SLC71A2: variants seen among roughly 807,000 people sequenced by gnomAD.
SLC71A2 encodes solute carrier family 71 member 2, also known as hippocampus abundant transcript-like 1.
chr9:94,382,880 A>G, the SLC71A2 span, among the ~76,000 whole-genome samples: 1 of 151,832 alleles, frequency 6.6e-6, no homozygotes, highest in African/African-American at 2.4e-5. Flanking sequence ...GTTTTAGTAG[A>G]GGCGGGGTTT....
chr9:94,450,507 T>TTTTTTTTTTTTTTTTTTTCC, the SLC71A2 span, among the ~76,000 whole-genome samples: 16 of 137,214 alleles, frequency 1.2e-4, 1 homozygote, highest in African/African-American at 4.8e-4. Flanking sequence ...TTTTTTTTTT[T>TTTTTTTTTTTTTTTTTTTCC]GAGATGGAGT....
chr9:94,446,745 A>G, the SLC71A2 span: 2 of 717,102 alleles, frequency 2.8e-6, no homozygotes, highest in Non-Finnish European at 4.9e-6. Flanking sequence ...GATCAAAATA[A>G]TGAAGCTGAT....
the SLC71A2 span, among the ~76,000 whole-genome samples, chr9:94,378,682 C>T: frequency 1.3e-5 from 2 of 152,154 alleles, no homozygotes; most frequent in Non-Finnish European, 2.9e-5. Flanking sequence ...GTGAGAAGGA[C>T]ACCAAACAAT....
chr9:94,436,153 T>G, the SLC71A2 span, among the ~76,000 whole-genome samples: 29 of 152,316 alleles, frequency 1.9e-4, no homozygotes, highest in South Asian at 4.1e-4. Flanking sequence ...TTCTTATTTT[T>G]AATTGTTTTC....
chr9:94,450,493 C>CTTTTTTTTTTTTTTTTTTT, the SLC71A2 span, among the ~76,000 whole-genome samples: 101 of 102,004 alleles, frequency 9.9e-4, 7 homozygotes, highest in African/African-American at 1.3e-3. Flanking sequence ...AATAATGTAA[C>CTTTTTTTTTTTTTTTTTTT]TTTTTTTTTT....
At chr9:94,449,893 T>C in the SLC71A2 span, among the ~76,000 whole-genome samples, 1 of 152,192 alleles carries the variant, frequency 6.6e-6, no homozygotes, top group African/African-American at 2.4e-5. Flanking sequence ...TAAAAAGCAA[T>C]GAAGTACAGA....
At chr9:94,383,500 TAGTC>T in the SLC71A2 span, among the ~76,000 whole-genome samples, 15 of 152,076 alleles carry the variant, frequency 9.9e-5, no homozygotes, top group Admixed American at 6.6e-5. Flanking sequence ...GTCCATATAT[TAGTC>T]AGTCTCTGAA....
chr9:94,388,897 C>T, the SLC71A2 span, among the ~76,000 whole-genome samples: 4 of 152,222 alleles, frequency 2.6e-5, no homozygotes, highest in Non-Finnish European at 5.9e-5. Flanking sequence ...AAGTGCCTCA[C>T]AGACTTCCTG....
chr9:94,405,118 G>A, the SLC71A2 span, among the ~76,000 whole-genome samples: 8 of 152,046 alleles, frequency 5.3e-5, no homozygotes, highest in East Asian at 9.7e-4. Flanking sequence ...TCATTAAATG[G>A]CCTTGGTACC....
the SLC71A2 span, among the ~76,000 whole-genome samples, chr9:94,382,686 CTCTT>C: frequency 9.2e-5 from 14 of 151,528 alleles, no homozygotes; most frequent in Non-Finnish European, 1.9e-4. Context: ...TAGACGGAGT[CTCTT>C]TCTTTGTCGC....
the SLC71A2 span, among the ~76,000 whole-genome samples, chr9:94,413,442 T>G: frequency 6.6e-6 from 1 of 152,242 alleles, no homozygotes; most frequent in South Asian, 2.1e-4. Flanking sequence ...AAAAAGTTAA[T>G]TGCAGCAGTT....
the SLC71A2 span, among the ~76,000 whole-genome samples, chr9:94,386,514 A>AG: frequency 2.6e-5 from 4 of 151,726 alleles, no homozygotes; most frequent in Non-Finnish European, 4.4e-5. Flanking sequence ...TTTGATAGTT[A>AG]CGTCACATGC....
At chr9:94,434,614 A>G in the SLC71A2 span, among the ~76,000 whole-genome samples, 6 of 152,056 alleles carry the variant, frequency 3.9e-5, no homozygotes, top group African/African-American at 1.4e-4. Flanking sequence ...TGTGTCCAGC[A>G]AAGACCTGTC....
the SLC71A2 span, among the ~76,000 whole-genome samples, chr9:94,396,282 G>A: frequency 5.3e-5 from 8 of 151,720 alleles, no homozygotes; most frequent in South Asian, 2.1e-4. Flanking sequence ...TTGGGAGGCC[G>A]AGGCAGACGG....
chr9:94,374,920 G>C, the SLC71A2 span: 2 of 1,269,102 alleles, frequency 1.6e-6, no homozygotes, highest in Non-Finnish European at 2.0e-6. Context: ...GCCGCGGGGA[G>C]CACCTGGGTG....
the SLC71A2 span, among the ~76,000 whole-genome samples, chr9:94,415,427 C>T: frequency 6.6e-6 from 1 of 151,182 alleles, no homozygotes; most frequent in African/African-American, 2.4e-5. Flanking sequence ...ACATGTAACA[C>T]AAAACACCTC....
At chr9:94,441,152 A>T in the SLC71A2 span, 2 of 1,000,984 alleles carry the variant, frequency 2.0e-6, no homozygotes, top group Non-Finnish European at 2.9e-6. Flanking sequence ...TTAACATTGT[A>T]TTAGAAATTT....
chr9:94,430,016 C>T, the SLC71A2 span, among the ~76,000 whole-genome samples: 3 of 150,274 alleles, frequency 2.0e-5, no homozygotes, highest in African/African-American at 7.4e-5. Flanking sequence ...AAGCAATTCT[C>T]CTGCCTCAGC....
the SLC71A2 span, among the ~76,000 whole-genome samples, chr9:94,406,217 G>A: frequency 1.1e-4 from 17 of 151,102 alleles, no homozygotes; most frequent in South Asian, 2.1e-4. Context: ...ACAGGTGTGC[G>A]CCAGCACGTC....
Sources: gnomAD v4.1 joint callset for allele counts (sites outside exome capture counted in the v4.1 genomes callset) on GRCh38, gnomAD v4.1.1 for gene constraint, MANE v1.5 for transcripts, NCBI Gene and HGNC (gene_info 2026-07-23, HGNC 2026-07-21) for gene names.